The following DYNC2LI1 variants were observed in gnomAD, a reference collection of about 807,000 sequenced individuals.
DYNC2LI1 encodes the protein cytoplasmic dynein 2 light intermediate chain 1.
A neutral mutation model predicts 51.9 loss-of-function variants in DYNC2LI1; 45 were observed. The observed-to-expected ratio is 0.87, with a 90% CI of 0.68 to 1.11. The LOEUF (loss-of-function observed/expected upper bound fraction) is 1.11. Among genes scored for constraint, DYNC2LI1 ranks in the 50% most tolerant of loss-of-function variants. The probability of loss-of-function intolerance (pLI) is 0.00; values close to 1 mark genes in which losing one functional copy is unlikely to be tolerated. For synonymous variants in DYNC2LI1, 130 were observed against 137.8 expected (o/e 0.94, Z 0.40); for missense variants, 490 against 417.4 (o/e 1.17, Z -1.51).
downstream of DYNC2LI1, chr2:43,813,132 T>G (rs751255339): frequency 7.7e-7 from 1 of 1,296,498 alleles, no homozygotes; most frequent in South Asian, 1.2e-5. Flanking sequence ...GCTAATGAGA[T>G]GATCCCTTAT....
chr2:43,798,675 A>G (rs781334127), intron 8 of DYNC2LI1, among the ~76,000 whole-genome samples: 1 of 152,220 alleles, frequency 6.6e-6, no homozygotes, highest in Non-Finnish European at 1.5e-5. Context: ...ATCAAACAAG[A>G]TCAGGGACCA....
chr2:43,827,170 C>A, the DYNC2LI1 span, among the ~76,000 whole-genome samples: 1 of 151,900 alleles, frequency 6.6e-6, no homozygotes, highest in Admixed American at 6.6e-5. Context: ...ACTAAAAGAA[C>A]AAAAATTAGC....
At position 43,783,550 on chromosome 2, in the gene DYNC2LI1, G is replaced by A. The variant is rs1443857445; in HGVS notation, c.157G>A (p.Asp53Asn). ...GKTTIILRCL[D>N]RDEPPKPTLA... The stretch of plus-strand genomic sequence containing the variant: ...GACTACTATTATTCTAAGGTGTCTT[G>A]ACAGGTAAGTGTTATGTTAACCTTT... Residue 53 changes from aspartate (D) to asparagine (N), a missense_variant, in exon 3 of 13, where the codon GAC becomes AAC. Asp to Asn is a conservative substitution (Grantham distance 23). Coordinates refer to ENST00000260605, the MANE Select transcript of DYNC2LI1 (RefSeq NM_016008.4). The A allele has an allele frequency of 2.0e-6, 3 of 1,531,666 alleles. No homozygotes were observed. In the African/African-American group the frequency reaches 4.3e-5, roughly 22 times the overall value. 94.9% of individuals were successfully genotyped at this position (1,531,666 alleles called of 1,614,324 possible).
rs1424850680 is a variant in DYNC2LI1 at position 43,774,156 on chromosome 2, G to A, written c.8+10G>A. 1 of 1,613,850 alleles carries A rather than the reference G, an allele frequency of 6.2e-7. No individual in the cohort carries two copies. Among genetic ancestry groups the A allele is most frequent in the Non-Finnish European group, 8.5e-7 (1 of 1,179,972 alleles). On this transcript the variant is annotated intron_variant, in intron 1 of 12. Transcript: ENST00000260605. Reference sequence around the variant, plus strand: ...CGTCGACGATGCCCAGGTATTCCCTGAACCCGGCTTGCGTGGGAAAGGCTA... The same window carrying A: ...CGTCGACGATGCCCAGGTATTCCCTAAACCCGGCTTGCGTGGGAAAGGCTA...
At chr2:43,813,441 A>G (rs1056837256), downstream of DYNC2LI1, 23 of 717,286 alleles carry the variant, frequency 3.2e-5, no homozygotes, top group African/African-American at 2.4e-4. Flanking sequence ...AGAGTTTACA[A>G]TTTGATGAAG....
chr2:43,828,145 G>A, the DYNC2LI1 span: 3 of 1,613,484 alleles, frequency 1.9e-6, no homozygotes, highest in South Asian at 2.2e-5. Context: ...CAGGAAGGCT[G>A]GGAGTCTCTG....
chr2:43,789,789 C>T (rs1673694302), intron 5 of DYNC2LI1, 68 bp downstream of exon 5: 9 of 1,403,548 alleles, frequency 6.4e-6, no homozygotes, highest in Non-Finnish European at 8.8e-6. Flanking sequence ...TATGAGTTGG[C>T]TTTTCTCAGT....
the DYNC2LI1 span, among the ~76,000 whole-genome samples, chr2:43,817,790 A>G: frequency 1.3e-4 from 19 of 151,912 alleles, no homozygotes; most frequent in Non-Finnish European, 2.2e-4. Context: ...GGCACCTGTA[A>G]TCCCAGCTAC....
At chr2:43,783,427 TA>T in intron 2 of DYNC2LI1, 92 bp from the exon 3 acceptor site, 1 of 966,774 alleles carries the variant, frequency 1.0e-6, no homozygotes. Flanking sequence ...TTCAATTGAT[TA>T]AAAATCTATT....
rs1023433362 is a variant in DYNC2LI1 at position 43,792,837 on chromosome 2, A to G, written c.321-1620A>G. 14 of 1,505,754 alleles carry G rather than the reference A, an allele frequency of 9.3e-6. No individual in the cohort carries two copies. In the South Asian group the frequency reaches 1.7e-4, roughly 18 times the overall value. 93.3% of individuals were successfully genotyped at this position (1,505,754 alleles called of 1,614,324 possible). A position where few individuals can be genotyped will look rare whatever the true frequency, so the allele number is the denominator to read the frequency against. Reference sequence around the variant, plus strand: ...TGTAGTATGTGTCAGGATTTCCCTCACTTCTAAGGCTAAATAATGTTCCAT... The same window carrying G: ...TGTAGTATGTGTCAGGATTTCCCTCGCTTCTAAGGCTAAATAATGTTCCAT... On this transcript the variant is annotated intron_variant, in intron 5 of 12. Transcript: ENST00000260605.
chr2:43,817,379 G>A, the DYNC2LI1 span, among the ~76,000 whole-genome samples: 2 of 152,134 alleles, frequency 1.3e-5, no homozygotes, highest in South Asian at 2.1e-4. Flanking sequence ...CAGCTATTCA[G>A]GAGGCTAAGG....
intron 10 of DYNC2LI1, among the ~76,000 whole-genome samples, chr2:43,803,495 G>A (rs1015278705): frequency 6.6e-6 from 1 of 152,146 alleles, no homozygotes; most frequent in African/African-American, 2.4e-5. Context: ...AGGCAGATTA[G>A]TGGTGGTCAG....
intron 6 of DYNC2LI1, chr2:43,794,908 G>A (rs1673964616): frequency 1.5e-6 from 2 of 1,367,888 alleles, no homozygotes; most frequent in East Asian, 2.6e-5. Flanking sequence ...TTTTAAAGTA[G>A]TGGTTTGATA....
the DYNC2LI1 span, chr2:43,822,793 TCACCAGTAG>T: frequency 6.2e-7 from 1 of 1,614,006 alleles, no homozygotes; most frequent in Non-Finnish European, 8.5e-7. Context: ...GAACAACCCC[TCACCAGTAG>T]CACACACTGC....
downstream of DYNC2LI1, among the ~76,000 whole-genome samples, chr2:43,811,754 C>G (rs770442969): frequency 3.3e-5 from 5 of 151,980 alleles, no homozygotes; most frequent in Non-Finnish European, 7.4e-5. Context: ...GCCACCATGC[C>G]CAGCTAATTT....
chr2:43,787,994 G>A (rs1306850992), intron 4 of DYNC2LI1, among the ~76,000 whole-genome samples: 1 of 152,166 alleles, frequency 6.6e-6, no homozygotes, highest in Non-Finnish European at 1.5e-5. Context: ...ACCAATGAAA[G>A]TGGGTTATTA....
intron 1 of DYNC2LI1, 105 bp downstream of exon 1, chr2:43,774,251 T>A: frequency 6.9e-7 from 1 of 1,454,954 alleles, no homozygotes; most frequent in Non-Finnish European, 9.5e-7. Flanking sequence ...GGTGGCTACT[T>A]GCCACCAGGA....
intron 5 of DYNC2LI1, among the ~76,000 whole-genome samples, chr2:43,792,038 C>G (rs1044929613): frequency 2.4e-4 from 36 of 151,840 alleles, no homozygotes; most frequent in African/African-American, 8.4e-4. Flanking sequence ...TATGTTATAT[C>G]CATTTCATCA....
chr2:43,809,611 T>A, intron 12 of DYNC2LI1, 94 bp from the exon 13 acceptor site: 1 of 783,138 alleles, frequency 1.3e-6, no homozygotes, highest in Non-Finnish European at 2.1e-6. Flanking sequence ...TAAGGATTCA[T>A]TGATATATCT....
Sources: gnomAD v4.1 joint callset for allele counts (sites outside exome capture counted in the v4.1 genomes callset) on GRCh38, gnomAD v4.1.1 for gene constraint, MANE v1.5 for transcripts, NCBI Gene and HGNC (gene_info 2026-07-23, HGNC 2026-07-21) for gene names.